The following PTPRM variants were observed in gnomAD, a reference collection of about 807,000 sequenced individuals.
PTPRM encodes the protein protein tyrosine phosphatase receptor type M.
In PTPRM, 47 loss-of-function variants were observed where a neutral mutation model predicts 186.7. The ratio of observed to expected loss-of-function variants is 0.25; its 90% confidence interval spans 0.20 to 0.32. The LOEUF (loss-of-function observed/expected upper bound fraction) is 0.32. Among genes scored for constraint, PTPRM ranks in the 10% least tolerant of loss-of-function variants. The pLI is 1.00. For synonymous variants in PTPRM, 668 were observed against 674.9 expected, an observed-to-expected ratio of 0.99 and a Z score of 0.16; for missense variants, 1,494 against 1,865.0, an observed-to-expected ratio of 0.80 and a Z score of 3.66.
chr18:7,949,248 C>T lies in PTPRM; in HGVS notation c.731C>T (p.Ser244Leu). 6.2e-7 allele frequency: 1 copy of T among 1,612,644 alleles called. No individual in the cohort carries two copies. Among genetic ancestry groups the T allele is most frequent in the Non-Finnish European group, 8.5e-7 (1 of 1,178,570 alleles). Reference sequence around the variant, plus strand: ...ACCAGCTCCCGACGCTTCATTGCTTCATTTAATGTTGTGAATACCACCAAA... The same window carrying T: ...ACCAGCTCCCGACGCTTCATTGCTTTATTTAATGTTGTGAATACCACCAAA... ...KVTSSRRFIA[S>L]FNVVNTTKRD... Residue 244 changes from serine (S) to leucine (L), a missense_variant, in exon 6 of 33, where the codon TCA (serine) becomes TTA (leucine). By Grantham distance (145) the Ser-to-Leu change is moderately radical (BLOSUM62 -2). This residue lies in a region of PTPRM where 296 missense variants were observed against 345.5 expected (regional missense o/e 0.86). Transcript: ENST00000580170.
At chr18:7,973,057 C>A (rs77382760) in intron 7 of PTPRM, among the ~76,000 whole-genome samples, 3,738 of 152,150 alleles carry the variant, frequency 0.025, 145 homozygotes, top group African/African-American at 0.086. Flanking sequence ...ATATAACCCA[C>A]ATATAATATA....
intron 7 of PTPRM, among the ~76,000 whole-genome samples, chr18:8,028,191 G>A (rs766084717): frequency 5.3e-5 from 8 of 152,148 alleles, no homozygotes; most frequent in South Asian, 2.1e-4. Context: ...TAGTAGAGAT[G>A]GGGTTTCGCC....
intron 4 of PTPRM, among the ~76,000 whole-genome samples, chr18:7,916,646 T>C (rs2050575269): frequency 6.6e-6 from 1 of 152,108 alleles, no homozygotes. Flanking sequence ...TTTTAAATAA[T>C]AAAAACAAAA....
chr18:7,664,180 C>T (rs1306429989), intron 1 of PTPRM, among the ~76,000 whole-genome samples: 1 of 152,212 alleles, frequency 6.6e-6, no homozygotes, highest in Non-Finnish European at 1.5e-5. Context: ...ACCCAGCCCT[C>T]TTTGTGTCTC....
chr18:8,113,864 C>T, intron 12 of PTPRM, 105 bp downstream of exon 12: 2 of 1,154,462 alleles, frequency 1.7e-6, no homozygotes, highest in Non-Finnish European at 2.4e-6. Context: ...TTCTGCATTT[C>T]TACTTGTAAA....
chr18:7,903,999 T>C (rs1489389324), intron 3 of PTPRM, among the ~76,000 whole-genome samples: 1 of 152,232 alleles, frequency 6.6e-6, no homozygotes, highest in Non-Finnish European at 1.5e-5. Flanking sequence ...GGACAATTAC[T>C]TTGTATCTAA....
At chr18:8,074,845 GTGTCT>G (rs1349272494) in intron 8 of PTPRM, among the ~76,000 whole-genome samples, 1 of 152,100 alleles carries the variant, frequency 6.6e-6, no homozygotes, top group Non-Finnish European at 1.5e-5. Flanking sequence ...CTCCCATTCT[GTGTCT>G]TGTCTTAATA....
intron 23 of PTPRM, among the ~76,000 whole-genome samples, chr18:8,351,384 T>C (rs1170282594): frequency 3.3e-5 from 5 of 152,206 alleles, no homozygotes; most frequent in African/African-American, 9.6e-5. Flanking sequence ...TAGGGAATGA[T>C]GCACTAATAC....
chr18:7,703,914 G>A (rs886212023), intron 1 of PTPRM, among the ~76,000 whole-genome samples: 1 of 152,072 alleles, frequency 6.6e-6, no homozygotes, highest in Non-Finnish European at 1.5e-5. Flanking sequence ...GGCTTTTTCT[G>A]CATCTTTTGA....
At chr18:8,005,675 G>A (rs560154060) in intron 7 of PTPRM, among the ~76,000 whole-genome samples, 21 of 152,154 alleles carry the variant, frequency 1.4e-4, no homozygotes, top group Non-Finnish European at 2.8e-4. Flanking sequence ...TATCACCTCA[G>A]GGGTGACCTC....
intron 1 of PTPRM, among the ~76,000 whole-genome samples, chr18:7,628,617 C>T (rs2038117736): frequency 1.3e-5 from 2 of 152,126 alleles, no homozygotes; most frequent in South Asian, 4.1e-4. Flanking sequence ...AATTCATTTT[C>T]ATCTTTTTTT....
intron 19 of PTPRM, among the ~76,000 whole-genome samples, chr18:8,266,500 G>T (rs560066377): frequency 6.6e-6 from 1 of 152,142 alleles, no homozygotes; most frequent in South Asian, 2.1e-4. Context: ...CAGTAATATT[G>T]AATTAGAGCC....
At chr18:7,931,968 C>CCACT (rs1388884323) in intron 5 of PTPRM, among the ~76,000 whole-genome samples, 1 of 152,174 alleles carries the variant, frequency 6.6e-6, no homozygotes, top group Non-Finnish European at 1.5e-5. Context: ...GGCATGGGGG[C>CCACT]CACTGCCTTT....
At chr18:8,280,879 G>C (rs1035233449) in intron 19 of PTPRM, among the ~76,000 whole-genome samples, 1 of 152,102 alleles carries the variant, frequency 6.6e-6, no homozygotes, top group Non-Finnish European at 1.5e-5. Flanking sequence ...GGGGATGCAG[G>C]CCCCCTCTTC....
At chr18:8,367,037 A>G (rs2095634267) in intron 23 of PTPRM, 1 of 152,114 alleles carries the variant, frequency 6.6e-6, no homozygotes. Context: ...CAGACCTTAG[A>G]GGACAGGAAG....
chr18:7,636,436 T>C (rs1473399861), intron 1 of PTPRM, among the ~76,000 whole-genome samples: 3 of 152,024 alleles, frequency 2.0e-5, no homozygotes, highest in African/African-American at 7.3e-5. Flanking sequence ...TTCATTTACT[T>C]CCAAGTAAAC....
chr18:8,113,713 A>G lies in PTPRM; in HGVS notation c.2084A>G (p.Tyr695Cys), dbSNP rs759388622. ...NGYWNTPLLP[Y>C]KSYRIYFQAA... ...TACTGGAACACTCCCCTTCTCCCCT[A>G]TAAAAGCTACAGAATTTATTTCCAA... Residue 695 changes from tyrosine (Y) to cysteine (C), a missense_variant, in exon 12 of 33, where the codon TAT becomes TGT. Around this residue, in one of 3 missense-constraint regions of PTPRM, gnomAD observed 1,107 missense variants for 1,350.2 expected, o/e 0.82. Transcript: ENST00000580170. 14 of 1,613,708 alleles carry G rather than the reference A, an allele frequency of 8.7e-6. No homozygotes were observed. The highest frequency in any genetic ancestry group is 3.3e-5 in the Admixed American group (2 of 60,000).
intron 19 of PTPRM, among the ~76,000 whole-genome samples, chr18:8,271,662 C>T (rs958745784): frequency 1.3e-5 from 2 of 151,798 alleles, no homozygotes; most frequent in Non-Finnish European, 2.9e-5. Context: ...TAATTTTTTT[C>T]AGTAGTTAAT....
At chr18:8,293,834 G>A (rs749709183) in intron 19 of PTPRM, among the ~76,000 whole-genome samples, 8 of 152,262 alleles carry the variant, frequency 5.3e-5, no homozygotes, top group Admixed American at 2.0e-4. Context: ...ATCAACTAGC[G>A]ATTTTTAATG....
Sources: allele counts gnomAD v4.1 joint callset (sites outside exome capture counted in the v4.1 genomes callset), GRCh38; gene constraint gnomAD v4.1.1; regional missense constraint gnomAD v4.1.1; transcripts MANE v1.5; gene names NCBI Gene and HGNC (gene_info 2026-07-23, HGNC 2026-07-21).